The following CFB variants were observed in gnomAD, a reference collection of about 807,000 sequenced individuals.
The protein encoded by CFB is B-factor, properdin.
A neutral mutation model predicts 97.2 loss-of-function variants in CFB; 59 were observed. The ratio of observed to expected loss-of-function variants is 0.61; its 90% CI spans 0.49 to 0.75. The LOEUF (loss-of-function observed/expected upper bound fraction) is 0.75, where lower values mean the gene tolerates loss of function less well. Among genes scored for constraint, CFB ranks in the 30% least tolerant of loss-of-function variants. The probability of loss-of-function intolerance (pLI) is 0.00; values close to 1 mark genes in which losing one functional copy is unlikely to be tolerated. For missense variants in CFB, 771 were observed against 959.8 expected (o/e 0.80, Z 2.60); for synonymous variants, 316 against 351.7 (o/e 0.90, Z 1.14).
At chr6:31,949,999 A>T in intron 10 of CFB, 51 bp from the exon 11 acceptor site, 1 of 1,564,258 alleles carries the variant, frequency 6.4e-7, no homozygotes, top group African/African-American at 1.4e-5. Context: ...GGCTGCTGCC[A>T]TTTGGGAATG....
In CFB at chr6:31,950,322, G is replaced by A; in HGVS notation, c.1543G>A (p.Val515Met). 6.2e-7 allele frequency: 1 copy of A among 1,613,098 alleles called. No individual in the cohort carries two copies. Among genetic ancestry groups the A allele is most frequent in the Non-Finnish European group, 8.5e-7 (1 of 1,180,026 alleles). The change falls in exon 12 of 18, where the codon GTG (valine) becomes ATG (methionine). Residue 515 changes from valine (V) to methionine (M), a missense_variant. By Grantham distance (21) the Val-to-Met change is conservative (BLOSUM62 1). Coordinates refer to ENST00000425368, the MANE Select transcript of CFB (RefSeq NM_001710.6). The stretch of plus-strand genomic sequence containing the variant: ...GGGACACGAGAGCTGTATGGGGGCT[G>A]TGGTGTCTGAGTACTTTGTGCTGAC... Reference protein sequence around the residue: ...SKGHESCMGAVVSEYFVLTAA... With the variant: ...SKGHESCMGAMVSEYFVLTAA...
chr6:31,947,177 A>T lies in CFB; in HGVS notation c.469A>T (p.Ile157Phe). ...TGGCCGATGGAGTGGGCAGACAGCG[A>T]TCTGTGACAACGGAGGTGAGAAGCA... ...VNGRWSGQTA[I>F]CDNGAGYCSN... is the part of the protein sequence containing the mutation. Residue 157 changes from isoleucine (I) to phenylalanine (F), a missense_variant, in exon 3 of 18, where the codon ATC becomes TTC. By Grantham distance (21) the Ile-to-Phe change is conservative. Coordinates refer to ENST00000425368, the MANE Select transcript of CFB (RefSeq NM_001710.6). The surrounding 1 kb of genome is among the most constrained non-coding windows in gnomAD (Gnocchi z 5.3). The T allele has an allele frequency of 1.2e-6, 2 of 1,612,406 alleles. No homozygotes were observed. The highest frequency in any genetic ancestry group is 1.7e-6 in the Non-Finnish European group (2 of 1,179,734).
chr6:31,948,609 A>G, intron 7 of CFB, 97 bp downstream of exon 7: 1 of 1,579,672 alleles, frequency 6.3e-7, no homozygotes, highest in Non-Finnish European at 8.7e-7. Context: ...AGGGAGGACC[A>G]CTTTGTAGTC....
chr6:31,948,714 A>G (rs1554285676), intron 7 of CFB, 116 bp from the exon 8 acceptor site: 4 of 1,568,816 alleles, frequency 2.5e-6, no homozygotes, highest in Admixed American at 1.7e-5. Flanking sequence ...AAGTCCGTGT[A>G]ATGATGATTA....
rs770945324 is a variant in CFB, at chr6:31,947,373, C to T, written c.510C>T (p.Ile170=). The change falls in exon 4 of 18, where the codon ATC becomes ATT. Residue 170 remains isoleucine (I), a synonymous_variant. Transcript: ENST00000425368. The surrounding 1 kb of genome is among the most constrained non-coding windows in gnomAD (Gnocchi z 5.3). ...NGAGYCSNPG[I]PIGTRKVGSQ... ...CGGGGTACTGCTCCAACCCGGGCATCCCCATTGGCACAAGGAAGGTGGGCA... is the reference window on the plus strand; with the variant it reads ...CGGGGTACTGCTCCAACCCGGGCATTCCCATTGGCACAAGGAAGGTGGGCA... 6.2e-7 allele frequency: 1 copy of T among 1,613,050 alleles called. No homozygotes were observed. Among genetic ancestry groups the T allele is most frequent in the Admixed American group, 1.7e-5 (1 of 60,030 alleles).
At position 31,951,800 on chromosome 6, in the gene CFB, C is replaced by T. The variant is rs1050467199; in HGVS notation, c.2140-75C>T. On this transcript the variant is annotated intron_variant, in intron 17 of 17. Coordinates refer to ENST00000425368, the MANE Select transcript of CFB (RefSeq NM_001710.6). The surrounding 1 kb of genome is among the most constrained non-coding windows in gnomAD (Gnocchi z 4.3). ...TCTGATTCCTTTAGGTCAGCTAAGA[C>T]ACAAGCAGGAACAGCCATGCTTCCA... The T allele has an allele frequency of 2.4e-5, 39 of 1,606,176 alleles. No individual in the cohort carries two copies. The highest frequency in any genetic ancestry group is 3.0e-5 in the Non-Finnish European group (35 of 1,174,094).
At chr6:31,950,443 C>A in intron 12 of CFB, 40 bp downstream of exon 12, 1 of 1,579,666 alleles carries the variant, frequency 6.3e-7, no homozygotes, top group Non-Finnish European at 8.7e-7. Flanking sequence ...CACCTATGCT[C>A]TCCAGGCAAC....
chr6:31,950,725 TG>T lies in CFB; in HGVS notation c.1732del (p.Ala578ProfsTer2). 6.2e-7 allele frequency: 1 copy of T among 1,613,086 alleles called. No individual in the cohort carries two copies. The highest frequency in any genetic ancestry group is 8.5e-7 in the Non-Finnish European group (1 of 1,180,048). ...GIPEFYDYDV[A>X]LIKLKNKLKY... ...TTCCTGAATTTTATGACTATGACGT[TG>T]CCCTGATCAAGCTCAAGAATAAGCT... On this transcript the variant is annotated frameshift_variant, in exon 13 of 18. Coordinates refer to ENST00000425368, the MANE Select transcript of CFB (RefSeq NM_001710.6). LOFTEE classifies it high-confidence loss of function.
At chr6:31,950,830 G>C (rs764242394) in intron 13 of CFB, 38 bp from the exon 14 acceptor site, 1 of 1,613,052 alleles carries the variant, frequency 6.2e-7, no homozygotes, top group Non-Finnish European at 8.5e-7. Context: ...CTGGGGTGAG[G>C]AGCAGGCCTG....
In CFB at chr6:31,947,519, A is replaced by C. The variant is rs886061295; in HGVS notation, c.656A>C (p.Gln219Pro). Reference sequence around the variant, plus strand: ...TGGAGCGGGACGGAGCCTTCCTGCCAAGGTGACCTTTGACCTGTACCCCCA... The same window carrying C: ...TGGAGCGGGACGGAGCCTTCCTGCCCAGGTGACCTTTGACCTGTACCCCCA... ...GSWSGTEPSC[Q>P]DSFMYDTPQE... The change falls in exon 4 of 18, where the codon CAA (glutamine) becomes CCA (proline). Residue 219 changes from glutamine to proline, a missense_variant and splice_region_variant. Physicochemically the swap from Gln to Pro is moderately conservative, Grantham distance 76. Transcript: ENST00000425368. The surrounding 1 kb of genome is among the most constrained non-coding windows in gnomAD (Gnocchi z 5.3). 6.2e-7 allele frequency: 1 copy of C among 1,612,808 alleles called. No individual in the cohort carries two copies. Among genetic ancestry groups the C allele is most frequent in the African/African-American group, 1.3e-5 (1 of 74,894 alleles).
Position 31,951,261 on chromosome 6 carries a change from C to T in CFB, c.1956+17C>T. 1 of 1,613,220 alleles carries T rather than the reference C, an allele frequency of 6.2e-7. No individual in the cohort carries two copies. The highest frequency in any genetic ancestry group is 8.5e-7 in the Non-Finnish European group (1 of 1,179,920). Reference sequence around the variant, plus strand: ...GGGGATAAGGTGAGAAACGGGCATCCTAAGGAGGCACTCTAGGCCCCAATC... The same window carrying T: ...GGGGATAAGGTGAGAAACGGGCATCTTAAGGAGGCACTCTAGGCCCCAATC... On this transcript the variant is annotated intron_variant, in intron 15 of 17. Transcript: ENST00000425368. This position sits in a 1 kb window ranked among gnomAD's most constrained non-coding sequence, Gnocchi z 4.3.
At chr6:31,949,688 C>A in intron 10 of CFB, 131 bp downstream of exon 10, 1 of 1,129,828 alleles carries the variant, frequency 8.9e-7, no homozygotes, top group Non-Finnish European at 1.3e-6. Context: ...ACCTCAGTGT[C>A]ACTATTCTTG....
Position 31,948,904 on chromosome 6 carries a change from G to A in CFB, c.1111G>A (p.Asp371Asn), listed in dbSNP as rs1004867752. Residue 371 changes from aspartate to asparagine, a missense_variant, in exon 8 of 18, where the codon GAC becomes AAC. Physicochemically the swap from Asp to Asn is conservative, Grantham distance 23. Coordinates refer to ENST00000425368, the MANE Select transcript of CFB (RefSeq NM_001710.6). ...GTACAGCATGATGAGCTGGCCAGATGACGTCCCTCCTGAAGGCTGGAACCG... is the reference window on the plus strand; with the variant it reads ...GTACAGCATGATGAGCTGGCCAGATAACGTCCCTCCTGAAGGCTGGAACCG... The part of the protein sequence containing the change: ...AVYSMMSWPD[D>N]VPPEGWNRTR... 1 of 1,612,728 alleles carries A rather than the reference G, an allele frequency of 6.2e-7. No homozygotes were observed. Among genetic ancestry groups the A allele is most frequent in the Non-Finnish European group, 8.5e-7 (1 of 1,180,004 alleles).
At chr6:31,950,820 C>G (rs1299910403) in intron 13 of CFB, 48 bp downstream of exon 13, 1 of 1,612,872 alleles carries the variant, frequency 6.2e-7, no homozygotes, top group Admixed American at 1.7e-5. Flanking sequence ...GGCTGGAGGA[C>G]TGGGGTGAGG....
chr6:31,948,715 A>G, intron 7 of CFB, 115 bp from the exon 8 acceptor site: 1 of 1,493,248 alleles, frequency 6.7e-7, no homozygotes, highest in East Asian at 2.6e-5. Context: ...AGTCCGTGTA[A>G]TGATGATTAA....
Position 31,951,262 on chromosome 6 carries a change from T to A in CFB, c.1956+18T>A. The A allele has an allele frequency of 1.2e-6, 2 of 1,613,324 alleles. No homozygotes were observed. Among genetic ancestry groups the A allele is most frequent in the Non-Finnish European group, 1.7e-6 (2 of 1,179,962 alleles). On this transcript the variant is annotated intron_variant, in intron 15 of 17. Transcript: ENST00000425368. The surrounding 1 kb of genome is among the most constrained non-coding windows in gnomAD (Gnocchi z 4.3). ...GGGATAAGGTGAGAAACGGGCATCC[T>A]AAGGAGGCACTCTAGGCCCCAATCC...
chr6:31,948,517 G>A lies in CFB; in HGVS notation c.1036+5G>A. 2 of 1,614,146 alleles carry A rather than the reference G, an allele frequency of 1.2e-6. No individual in the cohort carries two copies. Among genetic ancestry groups the A allele is most frequent in the Non-Finnish European group, 1.7e-6 (2 of 1,180,030 alleles). On this transcript the variant is annotated splice_donor_5th_base_variant and intron_variant, in intron 7 of 17. Transcript: ENST00000425368. ...TCAATGAAATCAATTATGAAGGTCAGAGGTTAGGGAATGGTGGGAGGTTCA... is the reference window on the plus strand; with the variant it reads ...TCAATGAAATCAATTATGAAGGTCAAAGGTTAGGGAATGGTGGGAGGTTCA...
At chr6:31,950,811 G>A (rs1211736755) in intron 13 of CFB, 39 bp downstream of exon 13, 1 of 1,612,966 alleles carries the variant, frequency 6.2e-7, no homozygotes, top group East Asian at 2.2e-5. Flanking sequence ...GCTGGGAAAG[G>A]CTGGAGGACT....
At position 31,946,864 on chromosome 6, in the gene CFB, TG is replaced by T. The variant is rs1771455147; in HGVS notation, c.299-140del. On this transcript the variant is annotated intron_variant, in intron 2 of 17. Transcript: ENST00000425368. This position sits in a 1 kb window ranked among gnomAD's most constrained non-coding sequence, Gnocchi z 6.4. Reference sequence around the variant, plus strand: ...GAGGGAGAAGCAGTGGAAATCCATATGGGTTGAGGAGTAGGTAAGATGCTGC... The same window carrying T: ...GAGGGAGAAGCAGTGGAAATCCATATGGTTGAGGAGTAGGTAAGATGCTGC... 1 of 875,542 alleles carries T rather than the reference TG, an allele frequency of 1.1e-6. No homozygotes were observed. Among genetic ancestry groups the T allele is most frequent in the Non-Finnish European group, 1.9e-6 (1 of 538,242 alleles). The allele number at this position is 875,542 out of a possible 1,614,324, so 54.2% of individuals were successfully genotyped here.
Sources: gnomAD v4.1 joint callset for allele counts on GRCh38, gnomAD v4.1.1 for gene constraint, Gnocchi (gnomAD v3.1) non-coding constraint, MANE v1.5 for transcripts, NCBI Gene and HGNC (gene_info 2026-07-23, HGNC 2026-07-21) for gene names.